Variants in SLC60A1 observed in about 807,000 individuals in gnomAD.
SLC60A1 encodes solute carrier family 60 member 1, also known as major facilitator superfamily domain containing 4.
chr1:205,591,927 G>T, the SLC60A1 span: 1 of 569,834 alleles, frequency 1.8e-6, no homozygotes, highest in Non-Finnish European at 3.1e-6. Flanking sequence ...TCTAGGCGGG[G>T]GTCTCCTTTC....
At chr1:205,597,391 T>G in the SLC60A1 span, among the ~76,000 whole-genome samples, 12 of 147,278 alleles carry the variant, frequency 8.1e-5, 2 homozygotes, top group Admixed American at 2.0e-4. Context: ...TTTTTTTTTT[T>G]TTTTTTTTTC....
At chr1:205,585,038 CCA>C in the SLC60A1 span, 1 of 1,490,930 alleles carries the variant, frequency 6.7e-7, no homozygotes, top group Non-Finnish European at 9.4e-7. The surrounding 1 kb of genome is among the most constrained non-coding windows in gnomAD (Gnocchi z 4.2). Flanking sequence ...CCCTTCACCC[CCA>C]GACTCCAGTC....
chr1:205,600,343 A>G, the SLC60A1 span: 1 of 1,521,692 alleles, frequency 6.6e-7, no homozygotes. Context: ...TCTCAGAATG[A>G]ATCATCACTG....
At chr1:205,591,414 C>T in the SLC60A1 span, among the ~76,000 whole-genome samples, 4 of 144,294 alleles carry the variant, frequency 2.8e-5, no homozygotes, top group Non-Finnish European at 5.9e-5. Flanking sequence ...CCCTGTAGGT[C>T]GAGGCTGCAG....
the SLC60A1 span, among the ~76,000 whole-genome samples, chr1:205,579,109 C>G: frequency 6.6e-6 from 1 of 152,204 alleles, no homozygotes; most frequent in African/African-American, 2.4e-5. Flanking sequence ...ATGGCCACAG[C>G]CCCTCCTTTC....
At chr1:205,583,182 T>A in the SLC60A1 span, among the ~76,000 whole-genome samples, 1 of 152,270 alleles carries the variant, frequency 6.6e-6, no homozygotes, top group Admixed American at 6.5e-5. Flanking sequence ...TGGTGGAGGC[T>A]TCCCCAGGCA....
chr1:205,592,316 C>A, the SLC60A1 span: 4 of 1,595,242 alleles, frequency 2.5e-6, no homozygotes, highest in Non-Finnish European at 2.6e-6. Context: ...CCAGGAGGCG[C>A]GCTCTATCTA....
chr1:205,585,954 G>C, the SLC60A1 span: 1 of 1,467,740 alleles, frequency 6.8e-7, no homozygotes, highest in Non-Finnish European at 9.1e-7. The surrounding 1 kb of genome is among the most constrained non-coding windows in gnomAD (Gnocchi z 4.2). Flanking sequence ...CCCCACACCT[G>C]CCCAGCCTGG....
the SLC60A1 span, chr1:205,580,547 T>TG: frequency 7.4e-7 from 1 of 1,359,576 alleles, no homozygotes; most frequent in Non-Finnish European, 1.0e-6. The surrounding 1 kb of genome is among the most constrained non-coding windows in gnomAD (Gnocchi z 5.0). Flanking sequence ...GGGCAGAGGG[T>TG]GGGGCTGGGG....
the SLC60A1 span, chr1:205,601,200 A>G: frequency 6.6e-6 from 1 of 152,258 alleles, no homozygotes; most frequent in Non-Finnish European, 1.5e-5. Context: ...TATTCAAAGC[A>G]TATCACTTCC....
At chr1:205,597,995 T>TAG in the SLC60A1 span, 6 of 801,018 alleles carry the variant, frequency 7.5e-6, no homozygotes, top group Admixed American at 2.3e-5. Flanking sequence ...GTGCCGTTGT[T>TAG]ACCTGTTTCC....
chr1:205,585,163 G>A, the SLC60A1 span, among the ~76,000 whole-genome samples: 1 of 152,182 alleles, frequency 6.6e-6, no homozygotes, highest in Non-Finnish European at 1.5e-5. The surrounding 1 kb of genome is among the most constrained non-coding windows in gnomAD (Gnocchi z 4.2). Flanking sequence ...TCCAGAATCA[G>A]TCACAGCACG....
the SLC60A1 span, among the ~76,000 whole-genome samples, chr1:205,589,510 T>C: frequency 1.3e-5 from 2 of 152,242 alleles, no homozygotes; most frequent in Non-Finnish European, 2.9e-5. Context: ...TTTTTTTGCA[T>C]CTCACAGATA....
the SLC60A1 span, chr1:205,586,046 G>A: frequency 1.3e-5 from 20 of 1,598,988 alleles, no homozygotes; most frequent in Middle Eastern, 2.1e-4. Flanking sequence ...TGCCTATTCC[G>A]CCTTCGTGTA....
At chr1:205,586,189 C>T in the SLC60A1 span, 1 of 1,613,394 alleles carries the variant, frequency 6.2e-7, no homozygotes. Context: ...AGCCGGCCAC[C>T]ATGGTTTTCA....
the SLC60A1 span, among the ~76,000 whole-genome samples, chr1:205,579,217 GGGCGTCTCA>G: frequency 1.1e-4 from 17 of 152,272 alleles, no homozygotes; most frequent in East Asian, 3.3e-3. Context: ...GCGCTGGTGT[GGGCGTCTCA>G]GGCCGGGTGC....
At chr1:205,600,819 G>A in the SLC60A1 span, 1 of 200,534 alleles carries the variant, frequency 5.0e-6, no homozygotes, top group South Asian at 1.2e-4. Context: ...GTAAAAATAG[G>A]TTGAAATTGT....
At chr1:205,586,081 G>A in the SLC60A1 span, 1 of 1,613,142 alleles carries the variant, frequency 6.2e-7, no homozygotes, top group African/African-American at 1.3e-5. Context: ...AGAAGCCCCT[G>A]TCTGTGGGAC....
At chr1:205,597,197 TG>T in the SLC60A1 span, among the ~76,000 whole-genome samples, 9 of 152,150 alleles carry the variant, frequency 5.9e-5, no homozygotes, top group Non-Finnish European at 1.0e-4. Context: ...CTAAGCAAGA[TG>T]GGATTTACCC....
Sources: allele counts gnomAD v4.1 joint callset (sites outside exome capture counted in the v4.1 genomes callset), GRCh38; gene constraint gnomAD v4.1.1; non-coding constraint Gnocchi (gnomAD v3.1); transcripts MANE v1.5; gene names NCBI Gene and HGNC (gene_info 2026-07-23, HGNC 2026-07-21).